Variants in PAPPA2 observed in about 807,000 individuals in gnomAD.
PAPPA2 encodes the protein pappalysin-2.
PAPPA2 carries 86 observed loss-of-function variants against 176.4 expected under a neutral mutation model. The observed-to-expected ratio is 0.49, with a 90% CI of 0.41 to 0.58. The LOEUF (loss-of-function observed/expected upper bound fraction) is 0.58. Ranked by LOEUF, PAPPA2 falls within the 20% of genes least tolerant of loss-of-function variation. The pLI is 0.00. For missense variants in PAPPA2, 2,073 were observed against 2,256.9 expected (o/e 0.92, Z 1.65); for synonymous variants, 809 against 852.2 (o/e 0.95, Z 0.88).
chr1:176,599,570 A>G (rs546620888), intron 3 of PAPPA2, among the ~76,000 whole-genome samples: 1 of 119,700 alleles, frequency 8.4e-6, no homozygotes, highest in South Asian at 2.6e-4. Flanking sequence ...TTACTTTTAT[A>G]TTTTAGCAAT....
chr1:176,627,388 G>A (rs115073270), intron 3 of PAPPA2, among the ~76,000 whole-genome samples: 144 of 152,252 alleles, frequency 9.5e-4, no homozygotes, highest in African/African-American at 3.3e-3. Flanking sequence ...GGATGGGATA[G>A]CAAAGATCTC....
At chr1:176,623,295 C>G (rs1349459685) in intron 3 of PAPPA2, among the ~76,000 whole-genome samples, 1 of 152,136 alleles carries the variant, frequency 6.6e-6, no homozygotes, top group Non-Finnish European at 1.5e-5. Context: ...TCTTTTTGGT[C>G]AGATAAGTCA....
intron 1 of PAPPA2, among the ~76,000 whole-genome samples, chr1:176,494,173 G>C (rs901730577): frequency 2.6e-5 from 4 of 152,182 alleles, no homozygotes; most frequent in Non-Finnish European, 4.4e-5. Context: ...GATCATCTAA[G>C]GTGGGGAGTG....
chr1:176,828,205 G>A (rs1158383203), intron 21 of PAPPA2, among the ~76,000 whole-genome samples: 1 of 152,100 alleles, frequency 6.6e-6, no homozygotes, highest in East Asian at 1.9e-4. Context: ...TTCCTTAACA[G>A]CGCCAGTTTT....
Position 176,843,280 on chromosome 1 carries a change from G to A in PAPPA2, c.*826G>A, listed in dbSNP as rs12137658. 10,110 of 152,120 alleles carry A rather than the reference G, an allele frequency of 0.066. 392 individuals carry two copies. Among genetic ancestry groups the A allele is most frequent in the Non-Finnish European group, 0.088 (5,959 of 67,998 alleles). The allele number at this position is 152,120 out of a possible 1,614,324, so 9.4% of individuals were successfully genotyped here. A position where few individuals can be genotyped will look rare whatever the true frequency, so the allele number is the denominator to read the frequency against. ...GAGCTGGGCCCATTTTATGACCAAG[G>A]AGATGGGGAGTTGGAATGGTGGTAC... On this transcript the variant is annotated 3_prime_UTR_variant, in exon 23 of 23. Transcript: ENST00000367662.
intron 3 of PAPPA2, among the ~76,000 whole-genome samples, chr1:176,665,634 G>C (rs915085609): frequency 1.3e-5 from 2 of 152,112 alleles, no homozygotes; most frequent in African/African-American, 4.8e-5. Flanking sequence ...TCAAAATCCA[G>C]TTTGTAAGAT....
At chr1:176,580,311 C>A (rs1652888947) in intron 2 of PAPPA2, among the ~76,000 whole-genome samples, 2 of 152,200 alleles carry the variant, frequency 1.3e-5, no homozygotes, top group South Asian at 2.1e-4. Flanking sequence ...TCCTCCAGTT[C>A]TATCTATGTT....
At chr1:176,658,360 A>G (rs957889506) in intron 3 of PAPPA2, among the ~76,000 whole-genome samples, 1 of 152,018 alleles carries the variant, frequency 6.6e-6, no homozygotes, top group Non-Finnish European at 1.5e-5. Flanking sequence ...TCCAGATACT[A>G]TATATTTTTT....
chr1:176,549,964 G>A (rs947732606), intron 1 of PAPPA2, among the ~76,000 whole-genome samples: 1 of 152,212 alleles, frequency 6.6e-6, no homozygotes, highest in Non-Finnish European at 1.5e-5. Flanking sequence ...GAGAATAGCT[G>A]TGTAAGCCCC....
chr1:176,513,488 C>T (rs541198795), intron 1 of PAPPA2, among the ~76,000 whole-genome samples: 62 of 152,206 alleles, frequency 4.1e-4, no homozygotes, highest in African/African-American at 1.4e-3. Flanking sequence ...TCACTTGAGG[C>T]ATTTATCAAA....
Position 176,557,222 on chromosome 1 carries a change from C to G in PAPPA2, c.900C>G (p.Asn300Lys), listed in dbSNP as rs1390951042. Residue 300 changes from asparagine (N) to lysine (K), a missense_variant, in exon 2 of 23, where the codon AAC becomes AAG. By Grantham distance (94) the Asn-to-Lys change is moderately conservative (BLOSUM62 0). Coordinates refer to ENST00000367662, the MANE Select transcript of PAPPA2 (RefSeq NM_020318.3). ...EAWVKPEGGQ[N>K]NPAIIAGVFD... Reference sequence around the variant, plus strand: ...GGGTTAAACCGGAGGGAGGACAGAACAACCCAGCCATCATCGCAGGTAACA... The same window carrying G: ...GGGTTAAACCGGAGGGAGGACAGAAGAACCCAGCCATCATCGCAGGTAACA... 2 of 1,597,992 alleles carry G rather than the reference C, an allele frequency of 1.3e-6. No individual in the cohort carries two copies. The highest frequency in any genetic ancestry group is 2.7e-5 in the African/African-American group (2 of 74,526).
chr1:176,786,774 A>G (rs924364016), intron 17 of PAPPA2, among the ~76,000 whole-genome samples: 3 of 152,300 alleles, frequency 2.0e-5, no homozygotes, highest in South Asian at 2.1e-4. Flanking sequence ...ATTTTCTCTC[A>G]GGCTCAGTTT....
chr1:176,766,349 A>G (rs1427617417), intron 15 of PAPPA2, among the ~76,000 whole-genome samples: 3 of 152,234 alleles, frequency 2.0e-5, no homozygotes, highest in Non-Finnish European at 2.9e-5. Flanking sequence ...TACAAGCTCC[A>G]TTTCAAATTT....
intron 7 of PAPPA2, 57 bp from the exon 8 acceptor site, chr1:176,699,043 C>T: frequency 6.5e-7 from 1 of 1,541,140 alleles, no homozygotes; most frequent in Non-Finnish European, 8.8e-7. Flanking sequence ...AAGGGCTACT[C>T]ATTTTCTGAC....
chr1:176,787,799 G>A (rs928756288), intron 17 of PAPPA2, among the ~76,000 whole-genome samples: 2 of 152,092 alleles, frequency 1.3e-5, no homozygotes, highest in Admixed American at 6.5e-5. Flanking sequence ...ATTGGCTCAC[G>A]CCTCTAATCC....
chr1:176,508,001 C>T (rs1648382864), intron 1 of PAPPA2, among the ~76,000 whole-genome samples: 1 of 151,914 alleles, frequency 6.6e-6, no homozygotes, highest in Admixed American at 6.6e-5. Context: ...CCCTAAAAAC[C>T]TTGGGGCATT....
intron 1 of PAPPA2, among the ~76,000 whole-genome samples, chr1:176,494,891 A>C (rs555520623): frequency 1.3e-5 from 2 of 152,348 alleles, no homozygotes; most frequent in African/African-American, 2.4e-5. Flanking sequence ...ATTATGGGTC[A>C]GCTCCCCTTG....
intron 5 of PAPPA2, chr1:176,690,987 C>T: frequency 1.0e-6 from 1 of 984,998 alleles, no homozygotes; most frequent in Non-Finnish European, 1.2e-6. Context: ...GCCTACCACC[C>T]TTTCCCCACC....
intron 2 of PAPPA2, among the ~76,000 whole-genome samples, chr1:176,566,087 A>C (rs1324806684): frequency 6.6e-6 from 1 of 152,206 alleles, no homozygotes; most frequent in Non-Finnish European, 1.5e-5. Context: ...AAAGAAAAAG[A>C]GAAGAGAAAC....
Sources: gnomAD v4.1 joint callset for allele counts (sites outside exome capture counted in the v4.1 genomes callset) on GRCh38, gnomAD v4.1.1 for gene constraint, MANE v1.5 for transcripts, NCBI Gene and HGNC (gene_info 2026-07-23, HGNC 2026-07-21) for gene names.